CFAP299: variants seen among roughly 807,000 people sequenced by gnomAD.
The protein encoded by CFAP299 is cilia- and flagella-associated protein 299.
Under a neutral mutation model 27.0 loss-of-function variants are expected in CFAP299, and 21 were observed. That is an observed-to-expected ratio of 0.78 (90% confidence interval 0.55 to 1.12). The LOEUF (loss-of-function observed/expected upper bound fraction) is 1.12, where lower values mean the gene tolerates loss of function less well. CFAP299 is among the 50% of genes most tolerant of loss of function. The pLI, the probability that CFAP299 is intolerant of heterozygous loss-of-function variation, is 0.00. For missense variants in CFAP299, 310 were observed against 276.6 expected, an observed-to-expected ratio of 1.12 and a Z score of -0.86; for synonymous variants, 104 against 98.1, an observed-to-expected ratio of 1.06 and a Z score of -0.36.
chr4:80,674,560 T>A (rs1352487975), intron 3 of CFAP299, among the ~76,000 whole-genome samples: 1 of 152,206 alleles, frequency 6.6e-6, no homozygotes, highest in Admixed American at 6.5e-5. Flanking sequence ...TGAATTTGAA[T>A]GTTGGCGTGC....
intron 4 of CFAP299, chr4:80,871,940 A>G (rs1162074556): frequency 2.0e-5 from 3 of 147,564 alleles, no homozygotes. Context: ...TTGTCTTACT[A>G]TATCTTGACC....
At chr4:80,596,451 A>G (rs539212857) in intron 3 of CFAP299, among the ~76,000 whole-genome samples, 2 of 152,318 alleles carry the variant, frequency 1.3e-5, no homozygotes, top group South Asian at 4.1e-4. Context: ...TTTTTAAGAT[A>G]GCTTTCACAT....
intron 3 of CFAP299, among the ~76,000 whole-genome samples, chr4:80,612,405 GT>G (rs1436094967): frequency 3.9e-5 from 6 of 152,012 alleles, no homozygotes; most frequent in East Asian, 1.9e-4. Flanking sequence ...TATCATTAGA[GT>G]TTTTTTCTAT....
intron 4 of CFAP299, among the ~76,000 whole-genome samples, chr4:80,924,340 T>G (rs1221393490): frequency 6.6e-6 from 1 of 151,854 alleles, no homozygotes; most frequent in Non-Finnish European, 1.5e-5. Flanking sequence ...ATCTGCTGTT[T>G]TAAAATCACT....
intron 2 of CFAP299, among the ~76,000 whole-genome samples, chr4:80,414,220 G>A (rs943469130): frequency 4.6e-5 from 7 of 150,798 alleles, no homozygotes; most frequent in African/African-American, 1.5e-4. Context: ...ACAGGCGCCC[G>A]CCACTACGCC....
At chr4:80,840,880 A>C (rs762631613) in intron 3 of CFAP299, among the ~76,000 whole-genome samples, 2 of 152,018 alleles carry the variant, frequency 1.3e-5, no homozygotes, top group Non-Finnish European at 2.9e-5. Context: ...CCTTTCTTTT[A>C]TGTATGAGGA....
intron 2 of CFAP299, among the ~76,000 whole-genome samples, chr4:80,570,137 AT>A (rs1735512294): frequency 6.6e-6 from 1 of 152,098 alleles, no homozygotes; most frequent in Non-Finnish European, 1.5e-5. Flanking sequence ...GTATATATAA[AT>A]ATTTGATACA....
intron 4 of CFAP299, among the ~76,000 whole-genome samples, chr4:80,886,420 G>A (rs1301177841): frequency 6.6e-6 from 1 of 152,200 alleles, no homozygotes. Flanking sequence ...GACACAGAGA[G>A]AAACTTCATT....
At chr4:80,789,647 T>C (rs527902869) in intron 3 of CFAP299, among the ~76,000 whole-genome samples, 1 of 152,214 alleles carries the variant, frequency 6.6e-6, no homozygotes, top group African/African-American at 2.4e-5. Flanking sequence ...ATTCTTCGCA[T>C]GGCTTATTTT....
chr4:80,596,596 T>A (rs1737075097), intron 3 of CFAP299, among the ~76,000 whole-genome samples: 1 of 152,134 alleles, frequency 6.6e-6, no homozygotes, highest in Non-Finnish European at 1.5e-5. Flanking sequence ...AACTTCTTTT[T>A]AAAATTGAGG....
intron 2 of CFAP299, among the ~76,000 whole-genome samples, chr4:80,478,991 G>T (rs1730423511): frequency 6.6e-6 from 1 of 151,906 alleles, no homozygotes; most frequent in African/African-American, 2.4e-5. Context: ...CACAATTCAA[G>T]ATGATTATAG....
At chr4:80,752,419 CAT>C (rs902954837) in intron 3 of CFAP299, among the ~76,000 whole-genome samples, 6 of 145,540 alleles carry the variant, frequency 4.1e-5, no homozygotes, top group Admixed American at 2.7e-4. Flanking sequence ...TATATATACA[CAT>C]ATATATAAAT....
intron 3 of CFAP299, among the ~76,000 whole-genome samples, chr4:80,642,037 G>A (rs188868106): frequency 6.6e-6 from 1 of 152,172 alleles, no homozygotes; most frequent in Non-Finnish European, 1.5e-5. Context: ...AGGTAATGGG[G>A]CAGAAAGGTT....
At chr4:80,538,478 TACTC>T (rs1016815448) in intron 2 of CFAP299, among the ~76,000 whole-genome samples, 1 of 152,212 alleles carries the variant, frequency 6.6e-6, no homozygotes, top group African/African-American at 2.4e-5. Flanking sequence ...ACTCACCACT[TACTC>T]ACTCACTGAC....
At chr4:80,386,542 G>C (rs560016620) in intron 2 of CFAP299, 2 of 1,593,240 alleles carry the variant, frequency 1.3e-6, no homozygotes, top group East Asian at 2.2e-5. Context: ...GGGTTTGCAG[G>C]TCCTTTTCCT....
At chr4:80,910,978 C>T (rs972269853) in intron 4 of CFAP299, among the ~76,000 whole-genome samples, 12 of 151,998 alleles carry the variant, frequency 7.9e-5, no homozygotes, top group Admixed American at 1.3e-4. Flanking sequence ...AATAAACATT[C>T]AATAACGTTA....
intron 4 of CFAP299, among the ~76,000 whole-genome samples, chr4:80,905,372 A>T (rs1735129902): frequency 3.3e-5 from 5 of 152,176 alleles, no homozygotes; most frequent in Admixed American, 3.3e-4. Flanking sequence ...ATAAACATGG[A>T]CTGTCTTCTG....
At chr4:80,343,799 T>TAAAAA (rs35187249) in intron 1 of CFAP299, among the ~76,000 whole-genome samples, 13 of 75,324 alleles carry the variant, frequency 1.7e-4, no homozygotes, top group African/African-American at 2.4e-4. Flanking sequence ...AGACTCCGTC[T>TAAAAA]AAAAAAAAAA....
intron 3 of CFAP299, among the ~76,000 whole-genome samples, chr4:80,662,117 A>G (rs1184309251): frequency 6.6e-6 from 1 of 152,084 alleles, no homozygotes; most frequent in African/African-American, 2.4e-5. Context: ...TGGTCCTGTG[A>G]TCTCGCCCTG....
Sources: gnomAD v4.1 joint callset for allele counts (sites outside exome capture counted in the v4.1 genomes callset) on GRCh38, gnomAD v4.1.1 for gene constraint, MANE v1.5 for transcripts, NCBI Gene and HGNC (gene_info 2026-07-23, HGNC 2026-07-21) for gene names.